The following F7 variants were observed in gnomAD, a reference collection of about 807,000 sequenced individuals.
F7 encodes the protein coagulation factor VII, also known as FVII coagulation protein.
F7 carries 38 observed loss-of-function variants against 47.5 expected under a neutral mutation model. The observed-to-expected ratio is 0.80, with a 90% confidence interval of 0.62 to 1.05. The LOEUF is 1.05. Ranked by LOEUF, F7 falls within the 50% of genes least tolerant of loss-of-function variation. The pLI is 0.00. For missense variants in F7, 575 were observed against 605.4 expected (o/e 0.95, Z 0.53); for synonymous variants, 244 against 258.5 (o/e 0.94, Z 0.54).
Position 113,118,438 on chromosome 13 carries a change from C to A in F7, c.765C>A (p.Asp255Glu). 6.2e-7 allele frequency: 1 copy of A among 1,602,502 alleles called. No homozygotes were observed. Among genetic ancestry groups the A allele is most frequent in the Non-Finnish European group, 8.5e-7 (1 of 1,175,526 alleles). ...GCGAGCACGACCTCAGCGAGCACGACGGGGATGAGCAGAGCCGGCGGGTGG... is the reference window on the plus strand; with the variant it reads ...GCGAGCACGACCTCAGCGAGCACGAAGGGGATGAGCAGAGCCGGCGGGTGG... ...VLGEHDLSEH[D>E]GDEQSRRVAQ... The change falls in exon 8 of 8, where the codon GAC (aspartate) becomes GAA (glutamate). Residue 255 changes from aspartate (D) to glutamate (E), a missense_variant. By Grantham distance (45) the Asp-to-Glu change is conservative. Coordinates refer to ENST00000346342, the MANE Select transcript of F7 (RefSeq NM_019616.4).
Position 113,120,179 on chromosome 13 carries a change from C to G in F7, c.*1171C>G, listed in dbSNP as rs536812011. On this transcript the variant is annotated 3_prime_UTR_variant, in exon 8 of 8. Transcript: ENST00000346342. ...AAAGCTGTTTGATAGATGTTTGAGG[C>G]TGTAGCTCCCAGGATCCTGTGGAAT... is the stretch of plus-strand genomic sequence containing the variant. 6.6e-6 allele frequency: 1 copy of G among 152,342 alleles called. No homozygotes were observed. Among genetic ancestry groups the G allele is most frequent in the East Asian group, 1.9e-4 (1 of 5,186 alleles). 9.4% of individuals were successfully genotyped at this position (152,342 alleles called of 1,614,324 possible). A position where few individuals can be genotyped will look rare whatever the true frequency, so the allele number is the denominator to read the frequency against.
At position 113,118,758 on chromosome 13, in the gene F7, C is replaced by A. The variant is rs531225271; in HGVS notation, c.1085C>A (p.Thr362Lys). ...AAGGTGGGAGACTCCCCAAATATCA[C>A]GGAGTACATGTTCTGTGCCGGCTAC... is the stretch of plus-strand genomic sequence containing the variant. ...SRKVGDSPNI[T>K]EYMFCAGYSD... The change falls in exon 8 of 8, where the codon ACG becomes AAG. Residue 362 changes from threonine to lysine, a missense_variant. Transcript: ENST00000346342. 1 of 1,613,130 alleles carries A rather than the reference C, an allele frequency of 6.2e-7. No individual in the cohort carries two copies. The highest frequency in any genetic ancestry group is 8.5e-7 in the Non-Finnish European group (1 of 1,179,936).
In F7 at chr13:113,119,104, G is replaced by C. The variant is rs1021196659; in HGVS notation, c.*96G>C. 5.6e-6 allele frequency: 5 copies of C among 897,138 alleles called. No homozygotes were observed. In the African/African-American group the frequency reaches 8.3e-5, roughly 15 times the overall value. 55.6% of individuals were successfully genotyped at this position (897,138 alleles called of 1,614,324 possible). ...TTCTTCTGCAGTTAATGGGGTAGAGGAGGGCATGGGAGGGAGGGAGAGGTG... is the reference window on the plus strand; with the variant it reads ...TTCTTCTGCAGTTAATGGGGTAGAGCAGGGCATGGGAGGGAGGGAGAGGTG... On this transcript the variant is annotated 3_prime_UTR_variant, in exon 8 of 8. Coordinates refer to ENST00000346342, the MANE Select transcript of F7 (RefSeq NM_019616.4).
At chr13:113,118,236 C>T (rs1306048671) in intron 7 of F7, among the ~76,000 whole-genome samples, 177 bp from the exon 8 acceptor site, 2 of 152,228 alleles carry the variant, frequency 1.3e-5, no homozygotes, top group African/African-American at 2.4e-5. Context: ...CCCACACGAG[C>T]CACAGGCTGC....
rs760076907 is a variant in F7 at position 113,115,716 on chromosome 13, A to G, written c.421A>G (p.Ser141Gly). The G allele has an allele frequency of 1.1e-5, 18 of 1,613,002 alleles. No individual in the cohort carries two copies. In the South Asian group the frequency reaches 2.0e-4, roughly 18 times the overall value. ...GAACGGCGGCTGTGAGCAGTACTGC[A>G]GTGACCACACGGGCACCAAGCGCTC... is the stretch of plus-strand genomic sequence containing the variant. The part of the protein sequence containing the change: ...NENGGCEQYC[S>G]DHTGTKRSCR... Residue 141 changes from serine (S) to glycine (G), a missense_variant, in exon 5 of 8, where the codon AGT becomes GGT. Transcript: ENST00000346342.
At chr13:113,107,137 G>A (rs1446974694) in intron 1 of F7, among the ~76,000 whole-genome samples, 4 of 152,222 alleles carry the variant, frequency 2.6e-5, no homozygotes, top group Admixed American at 2.6e-4. Flanking sequence ...CCAGATAATC[G>A]TGTGTTCTTC....
At position 113,117,473 on chromosome 13, in the gene F7, G is replaced by C. The variant is rs1369487347; in HGVS notation, c.616G>C (p.Val206Leu). ...VCPKGECPWQ[V>L]LLLVNGAQLC... Reference sequence around the variant, plus strand: ...CCACACCTCCTGTCCCCCCGCCCAGGTCCTGTTGTTGGTGAATGGAGCTCA... The same window carrying C: ...CCACACCTCCTGTCCCCCCGCCCAGCTCCTGTTGTTGGTGAATGGAGCTCA... The change falls in exon 7 of 8, where the codon GTC becomes CTC. Residue 206 changes from valine to leucine, a missense_variant and splice_region_variant. Physicochemically the swap from Val to Leu is conservative, Grantham distance 32 (BLOSUM62 1). Coordinates refer to ENST00000346342, the MANE Select transcript of F7 (RefSeq NM_019616.4). 1 of 1,614,090 alleles carries C rather than the reference G, an allele frequency of 6.2e-7. No homozygotes were observed. The highest frequency in any genetic ancestry group is 2.2e-5 in the East Asian group (1 of 44,878).
intron 2 of F7, among the ~76,000 whole-genome samples, chr13:113,111,620 G>T (rs1360551731): frequency 1.7e-5 from 2 of 119,678 alleles, no homozygotes; most frequent in Admixed American, 8.3e-5. Context: ...CTCACACAGG[G>T]CACACTTCAC....
In F7 at chr13:113,119,248, A is replaced by T; in HGVS notation, c.*240A>T. 1 of 562,172 alleles carries T rather than the reference A, an allele frequency of 1.8e-6. No homozygotes were observed. The highest frequency in any genetic ancestry group is 3.2e-6 in the Non-Finnish European group (1 of 317,012). The allele number at this position is 562,172 out of a possible 1,614,324, so 34.8% of individuals were successfully genotyped here. On this transcript the variant is annotated 3_prime_UTR_variant, in exon 8 of 8. Coordinates refer to ENST00000346342, the MANE Select transcript of F7 (RefSeq NM_019616.4). Reference sequence around the variant, plus strand: ...CCAAGATTCAAAGAGACTAATAGAGACACAGAGATGGAATAGAAAAGATGA... The same window carrying T: ...CCAAGATTCAAAGAGACTAATAGAGTCACAGAGATGGAATAGAAAAGATGA...
In F7 at chr13:113,118,423, C is replaced by A; in HGVS notation, c.750C>A (p.Asp250Glu). Residue 250 changes from aspartate (D) to glutamate (E), a missense_variant, in exon 8 of 8, where the codon GAC becomes GAA. By Grantham distance (45) the Asp-to-Glu change is conservative (BLOSUM62 2). Transcript: ENST00000346342. The stretch of plus-strand genomic sequence containing the variant: ...GCTTCTTCCTTCCAGGCGAGCACGA[C>A]CTCAGCGAGCACGACGGGGATGAGC... ...RNLIAVLGEH[D>E]LSEHDGDEQS... 6.3e-7 allele frequency: 1 copy of A among 1,596,550 alleles called. No homozygotes were observed. The highest frequency in any genetic ancestry group is 1.1e-5 in the South Asian group (1 of 90,458).
In F7 at chr13:113,118,499, A is replaced by G; in HGVS notation, c.826A>G (p.Thr276Ala). Residue 276 changes from threonine (T) to alanine (A), a missense_variant, in exon 8 of 8, where the codon ACC becomes GCC. Thr to Ala is a moderately conservative substitution (Grantham distance 58). Transcript: ENST00000346342. ...VIIPSTYVPGTTNHDIALLRL... is the reference protein window; with the variant it reads ...VIIPSTYVPGATNHDIALLRL... ...CATCCCCAGCACGTACGTCCCGGGC[A>G]CCACCAACCACGACATCGCGCTGCT... The G allele has an allele frequency of 6.2e-7, 1 of 1,610,722 alleles. No homozygotes were observed. Among genetic ancestry groups the G allele is most frequent in the Middle Eastern group, 1.7e-4 (1 of 6,060 alleles).
Position 113,110,420 on chromosome 13 carries a change from C to T in F7, c.65-270C>T. The T allele has an allele frequency of 7.0e-6, 3 of 427,388 alleles. No homozygotes were observed. In the South Asian group the frequency reaches 9.4e-5, roughly 13 times the overall value. 26.5% of individuals were successfully genotyped at this position (427,388 alleles called of 1,614,324 possible). A position where few individuals can be genotyped will look rare whatever the true frequency, so the allele number is the denominator to read the frequency against. ...TTTACGCGGCGGCGCCCGCAGCCCC[C>T]TTCGGCCCGGCTTCCGCGCGTGCCC... On this transcript the variant is annotated intron_variant, in intron 1 of 7. Transcript: ENST00000346342.
In F7 at chr13:113,118,666, G is replaced by A. The variant is rs534333896; in HGVS notation, c.993G>A (p.Thr331=). ...GWGQLLDRGA[T]ALELMVLNVP... The stretch of plus-strand genomic sequence containing the variant: ...GCCAGCTGCTGGACCGTGGCGCCAC[G>A]GCCCTGGAGCTCATGGTCCTCAACG... The change falls in exon 8 of 8, where the codon ACG becomes ACA. Residue 331 remains threonine, a synonymous_variant. Coordinates refer to ENST00000346342, the MANE Select transcript of F7 (RefSeq NM_019616.4). 1.9e-5 allele frequency: 30 copies of A among 1,612,682 alleles called. 1 individual carries two copies. The highest frequency in any genetic ancestry group is 1.5e-4 in the Admixed American group (9 of 59,982).
In F7 at chr13:113,110,772, C is replaced by T; in HGVS notation, c.147C>T (p.Gly49=). 6.4e-7 allele frequency: 1 copy of T among 1,550,392 alleles called. No homozygotes were observed. The highest frequency in any genetic ancestry group is 8.7e-7 in the Non-Finnish European group (1 of 1,147,360). Residue 49 remains glycine, a synonymous_variant, in exon 2 of 8, where the codon GGC becomes GGT. Coordinates refer to ENST00000346342, the MANE Select transcript of F7 (RefSeq NM_019616.4). ...ANAFLEELRP[G]SLERECKEEQ... is the part of the protein sequence containing the mutation. ...CGTTCCTGGAGGAGCTGCGGCCGGG[C>T]TCCCTGGAGAGGGAGTGCAAGGAGG...
rs764171977 is a variant in F7, at chr13:113,106,798, C to T, written c.64+893C>T. On this transcript the variant is annotated intron_variant, in intron 1 of 7. Coordinates refer to ENST00000346342, the MANE Select transcript of F7 (RefSeq NM_019616.4). ...GTGCCTGGGATGTGGGGCTGCAGCC[C>T]TAGCTCACAGCATGGCCTTATGACC... 12 of 1,546,662 alleles carry T rather than the reference C, an allele frequency of 7.8e-6. No homozygotes were observed. The South Asian group carries it at 1.2e-4, about 15-fold the overall frequency.
intron 1 of F7, 83 bp downstream of exon 1, chr13:113,105,988 C>T (rs1437226168): frequency 5.5e-5 from 71 of 1,284,590 alleles, no homozygotes; most frequent in Admixed American, 8.3e-5. Flanking sequence ...TCCCAAACCC[C>T]GCCCTTGCTC....
intron 7 of F7, among the ~76,000 whole-genome samples, chr13:113,117,873 A>G (rs1174082745): frequency 1.3e-5 from 2 of 152,270 alleles, no homozygotes; most frequent in African/African-American, 4.8e-5. Context: ...ACAGACAGAC[A>G]GACATCCCCA....
At position 113,113,632 on chromosome 13, in the gene F7, G is replaced by T; in HGVS notation, c.226-120G>T. 1 of 1,020,966 alleles carries T rather than the reference G, an allele frequency of 9.8e-7. No individual in the cohort carries two copies. The highest frequency in any genetic ancestry group is 1.5e-6 in the Non-Finnish European group (1 of 646,396). The allele number at this position is 1,020,966 out of a possible 1,614,324, so 63.2% of individuals were successfully genotyped here. On this transcript the variant is annotated intron_variant, in intron 2 of 7. Transcript: ENST00000346342. The surrounding 1 kb of genome is among the most constrained non-coding windows in gnomAD (Gnocchi z 4.1). ...TCCAGAGGAAAGTCTGGCTTCCTGAGCCCACCCCGCCAGACCCAGGTCCAA... is the reference window on the plus strand; with the variant it reads ...TCCAGAGGAAAGTCTGGCTTCCTGATCCCACCCCGCCAGACCCAGGTCCAA...
At position 113,105,819 on chromosome 13, in the gene F7, G is replaced by T. The variant is rs1280376656; in HGVS notation, c.-23G>T. 1.3e-6 allele frequency: 2 copies of T among 1,576,342 alleles called. No individual in the cohort carries two copies. The highest frequency in any genetic ancestry group is 1.9e-5 in the Admixed American group (1 of 53,946). On this transcript the variant is annotated 5_prime_UTR_variant, in exon 1 of 8. Transcript: ENST00000346342. ...CCCATGGGGAATGTCAACAGGCAGG[G>T]GCAGCACTGCAGAGATTTCATCATG...
Sources: gnomAD v4.1 joint callset for allele counts (sites outside exome capture counted in the v4.1 genomes callset) on GRCh38, gnomAD v4.1.1 for gene constraint, Gnocchi (gnomAD v3.1) non-coding constraint, MANE v1.5 for transcripts, NCBI Gene and HGNC (gene_info 2026-07-23, HGNC 2026-07-21) for gene names.